The following MAP6 variants were observed in gnomAD, a reference collection of about 807,000 sequenced individuals.
MAP6 encodes the protein microtubule-associated protein 6.
Under a neutral mutation model 42.4 loss-of-function variants are expected in MAP6, and 26 were observed. The ratio of observed to expected loss-of-function variants is 0.61; its 90% CI spans 0.45 to 0.85. The LOEUF is 0.85. Among genes scored for constraint, MAP6 ranks in the 40% least tolerant of loss-of-function variants. The pLI is 0.00. For synonymous variants in MAP6, 418 were observed against 443.8 expected (o/e 0.94, Z 0.73); for missense variants, 966 against 1,099.0 (o/e 0.88, Z 1.71).
At chr11:75,603,864 C>T (rs1942710011) in intron 3 of MAP6, 1 of 985,408 alleles carries the variant, frequency 1.0e-6, no homozygotes, top group Non-Finnish European at 1.2e-6. Context: ...ATGGAGAAAT[C>T]CAAATTGTGG....
rs776941536 is a variant in MAP6 at position 75,608,228 on chromosome 11, T to G, written c.1000A>C (p.Thr334Pro). The change falls in exon 2 of 4, where the codon ACC becomes CCC. Residue 334 changes from threonine (T) to proline (P), a missense_variant. Physicochemically the swap from Thr to Pro is conservative, Grantham distance 38 (BLOSUM62 -1). This residue lies in a region of MAP6 where 943 missense variants were observed against 1,049.9 expected (regional missense o/e 0.90). Transcript: ENST00000304771. The part of the protein sequence containing the change: ...KPPDDKMVHE[T>P]SYSAQFKGEA... ...CCTTTGAACTGAGCACTGTAGCTGG[T>G]CTCATGAACCATCTTATCATCTGGG... 2 of 1,614,112 alleles carry G rather than the reference T, an allele frequency of 1.2e-6. No individual in the cohort carries two copies. Among genetic ancestry groups the G allele is most frequent in the Non-Finnish European group, 1.7e-6 (2 of 1,180,028 alleles).
In MAP6 at chr11:75,667,778, G is replaced by A. The variant is rs1289099043; in HGVS notation, c.592C>T (p.Pro198Ser). 3.1e-6 allele frequency: 4 copies of A among 1,307,444 alleles called. No individual in the cohort carries two copies. The African/African-American group carries it at 4.6e-5, about 15-fold the overall frequency. 81.0% of individuals were successfully genotyped at this position (1,307,444 alleles called of 1,614,324 possible). A position where few individuals can be genotyped will look rare whatever the true frequency, so the allele number is the denominator to read the frequency against. The change falls in exon 1 of 4, where the codon CCG (proline) becomes TCG (serine). Residue 198 changes from proline to serine, a missense_variant. Coordinates refer to ENST00000304771, the MANE Select transcript of MAP6 (RefSeq NM_033063.2). The surrounding 1 kb of genome is among the most constrained non-coding windows in gnomAD (Gnocchi z 5.6). ...APILGAPKRR[P>S]QSQERWPVQA... ...ACTGGCCAGCGCTCCTGGCTCTGCG[G>A]CCGGCGCTTGGGCGCCCCGAGAATG...
At chr11:75,665,627 T>A (rs1943934209) in intron 1 of MAP6, among the ~76,000 whole-genome samples, 2 of 152,220 alleles carry the variant, frequency 1.3e-5, no homozygotes, top group South Asian at 4.1e-4. Context: ...TGAAGTAGGG[T>A]CTTGAAGCAA....
intron 3 of MAP6, among the ~76,000 whole-genome samples, chr11:75,600,595 G>A (rs995245752): frequency 7.2e-5 from 11 of 152,146 alleles, no homozygotes; most frequent in Non-Finnish European, 1.3e-4. Context: ...TGCCCTAGCC[G>A]CTTTCCTAAC....
chr11:75,667,323 G>A lies in MAP6; in HGVS notation c.905+142C>T. 1.4e-6 allele frequency: 1 copy of A among 713,416 alleles called. No homozygotes were observed. Among genetic ancestry groups the A allele is most frequent in the Non-Finnish European group, 2.1e-6 (1 of 480,434 alleles). 44.2% of individuals were successfully genotyped at this position (713,416 alleles called of 1,614,324 possible). ...AGAAGGCTTCGACAGGAGGTGGCCT[G>A]GGAGGCGGCTGGGGAGAGGGTGTGG... On this transcript the variant is annotated intron_variant, in intron 1 of 3. Coordinates refer to ENST00000304771, the MANE Select transcript of MAP6 (RefSeq NM_033063.2). This position sits in a 1 kb window ranked among gnomAD's most constrained non-coding sequence, Gnocchi z 5.6.
chr11:75,626,099 A>C (rs1415500094), intron 1 of MAP6, among the ~76,000 whole-genome samples: 1 of 151,522 alleles, frequency 6.6e-6, no homozygotes, highest in African/African-American at 2.4e-5. Context: ...GAAAACTCTC[A>C]CTCCAGCTTC....
chr11:75,589,003 G>A (rs655190), intron 3 of MAP6, among the ~76,000 whole-genome samples: 71,335 of 151,820 alleles, frequency 0.47, 17,506 homozygotes, highest in Middle Eastern at 0.62. Flanking sequence ...TAGACAGTGC[G>A]CCCTGTGATT....
intron 3 of MAP6, among the ~76,000 whole-genome samples, chr11:75,591,330 T>G (rs192950182): frequency 6.6e-6 from 1 of 152,362 alleles, no homozygotes; most frequent in East Asian, 1.9e-4. Flanking sequence ...TTTGTTACTT[T>G]TTATTAAGCA....
intron 1 of MAP6, among the ~76,000 whole-genome samples, chr11:75,663,268 C>T (rs530183992): frequency 5.3e-5 from 8 of 152,252 alleles, no homozygotes; most frequent in South Asian, 2.1e-4. Context: ...CGTGAGCCAC[C>T]GCGCTTGACC....
At chr11:75,651,995 C>T (rs1792335082) in intron 1 of MAP6, among the ~76,000 whole-genome samples, 2 of 152,112 alleles carry the variant, frequency 1.3e-5, no homozygotes, top group African/African-American at 4.8e-5. Flanking sequence ...TTGCAATCAA[C>T]CTGATGAAAG....
At position 75,597,560 on chromosome 11, in the gene MAP6, G is replaced by C. The variant is rs531296422; in HGVS notation, c.1316+8248C>G. ...CTAATGACCCTTTTTAAAATGTAAA[G>C]TGTTGGACTAAGGCAGCGCTCAATT... On this transcript the variant is annotated intron_variant, in intron 3 of 3. Coordinates refer to ENST00000304771, the MANE Select transcript of MAP6 (RefSeq NM_033063.2). 1.2e-4 allele frequency among the ~76,000 whole-genome samples: 19 copies of C among 152,334 alleles called. No homozygotes were observed. The South Asian group carries it at 3.9e-3, about 32-fold the overall frequency.
chr11:75,656,794 T>G (rs1943756321), intron 1 of MAP6, among the ~76,000 whole-genome samples: 1 of 152,212 alleles, frequency 6.6e-6, no homozygotes. Flanking sequence ...GTATTTTGTT[T>G]CTTATTTTTT....
intron 1 of MAP6, among the ~76,000 whole-genome samples, chr11:75,620,483 GA>G (rs61563507): frequency 0.051 from 3,544 of 69,672 alleles, 126 homozygotes; most frequent in African/African-American, 0.14. Flanking sequence ...TCAAAAGAGA[GA>G]AAAAAAAAAA....
intron 1 of MAP6, among the ~76,000 whole-genome samples, chr11:75,661,227 A>G (rs544050224): frequency 6.6e-6 from 1 of 152,260 alleles, no homozygotes; most frequent in East Asian, 1.9e-4. Flanking sequence ...AAAATCCATG[A>G]AAAAGACAAC....
At chr11:75,605,616 C>T in intron 3 of MAP6, 192 bp downstream of exon 3, 1 of 1,383,946 alleles carries the variant, frequency 7.2e-7, no homozygotes, top group Non-Finnish European at 9.3e-7. Flanking sequence ...GGAGGCCTGC[C>T]ACTCAGTCTG....
At position 75,667,786 on chromosome 11, in the gene MAP6, T is replaced by C. The variant is rs2135708285; in HGVS notation, c.584A>G (p.Lys195Arg). 2.3e-6 allele frequency: 3 copies of C among 1,306,352 alleles called. No homozygotes were observed. The highest frequency in any genetic ancestry group is 2.9e-6 in the Non-Finnish European group (3 of 1,026,686). The allele number at this position is 1,306,352 out of a possible 1,614,324, so 80.9% of individuals were successfully genotyped here. The change falls in exon 1 of 4, where the codon AAG becomes AGG. Residue 195 changes from lysine (K) to arginine (R), a missense_variant. Around this residue, in one of 2 missense-constraint regions of MAP6, gnomAD observed 943 missense variants for 1,049.9 expected, o/e 0.90. Coordinates refer to ENST00000304771, the MANE Select transcript of MAP6 (RefSeq NM_033063.2). The surrounding 1 kb of genome is among the most constrained non-coding windows in gnomAD (Gnocchi z 5.6). ...QASAPILGAP[K>R]RRPQSQERWP... The stretch of plus-strand genomic sequence containing the variant: ...GCGCTCCTGGCTCTGCGGCCGGCGC[T>C]TGGGCGCCCCGAGAATGGGCGCCGA...
Position 75,667,354 on chromosome 11 carries a change from G to C in MAP6, c.905+111C>G. ...CGGCTGGGGAGAGGGTGTGGCCTGG[G>C]ACTGGAGGGAGGCTGCACGCTAGGC... On this transcript the variant is annotated intron_variant, in intron 1 of 3. Transcript: ENST00000304771. This position sits in a 1 kb window ranked among gnomAD's most constrained non-coding sequence, Gnocchi z 5.6. 9.7e-7 allele frequency: 1 copy of C among 1,035,264 alleles called. No homozygotes were observed. Among genetic ancestry groups the C allele is most frequent in the Non-Finnish European group, 1.3e-6 (1 of 768,004 alleles). The allele number at this position is 1,035,264 out of a possible 1,614,324, so 64.1% of individuals were successfully genotyped here.
chr11:75,642,865 A>T (rs1943496915), intron 1 of MAP6: 1 of 487,946 alleles, frequency 2.0e-6, no homozygotes, highest in Non-Finnish European at 4.2e-6. Context: ...TAAATCCAAG[A>T]GGGCAGCTGT....
intron 1 of MAP6, among the ~76,000 whole-genome samples, chr11:75,632,132 C>T (rs149825762): frequency 6.6e-5 from 10 of 152,244 alleles, no homozygotes; most frequent in East Asian, 1.9e-4. Context: ...TTTACCTCAC[C>T]GAGCCTTCTT....
Sources: gnomAD v4.1 joint callset for allele counts (sites outside exome capture counted in the v4.1 genomes callset) on GRCh38, gnomAD v4.1.1 for gene constraint, gnomAD v4.1.1 regional missense constraint, Gnocchi (gnomAD v3.1) non-coding constraint, MANE v1.5 for transcripts, NCBI Gene and HGNC (gene_info 2026-07-23, HGNC 2026-07-21) for gene names.